Variants in RALGPS2 observed in about 807,000 individuals in gnomAD.
RALGPS2 encodes Ral GEF with PH domain and SH3 binding motif 2.
RALGPS2 carries 43 observed loss-of-function variants against 86.8 expected under a neutral mutation model. The observed-to-expected ratio is 0.50, with a 90% confidence interval of 0.39 to 0.64. RALGPS2 has a LOEUF of 0.64. Among genes scored for constraint, RALGPS2 ranks in the 30% least tolerant of loss-of-function variants. The pLI is 0.00. For missense variants in RALGPS2, 536 were observed against 694.6 expected, an observed-to-expected ratio of 0.77 and a Z score of 2.57; for synonymous variants, 243 against 231.3, an observed-to-expected ratio of 1.05 and a Z score of -0.46.
intron 1 of RALGPS2, among the ~76,000 whole-genome samples, chr1:178,735,431 C>CTTTTTTTTTTT (rs565080292): frequency 1.5e-5 from 2 of 134,446 alleles, no homozygotes; most frequent in Non-Finnish European, 3.2e-5. Context: ...TTTTTCTTTT[C>CTTTTTTTTTTT]TTTTTTTTTT....
chr1:178,729,597 A>G (rs945325005), intron 1 of RALGPS2, among the ~76,000 whole-genome samples: 2 of 152,250 alleles, frequency 1.3e-5, no homozygotes, highest in Non-Finnish European at 2.9e-5. Flanking sequence ...CTGAAATCCA[A>G]AATGCTCCAA....
chr1:178,900,982 G>A (rs1486300918), intron 17 of RALGPS2, among the ~76,000 whole-genome samples: 1 of 152,060 alleles, frequency 6.6e-6, no homozygotes, highest in Non-Finnish European at 1.5e-5. Flanking sequence ...TAGTATTCAT[G>A]TCGAAGTACA....
At chr1:178,894,956 T>C (rs1659875725) in intron 16 of RALGPS2, among the ~76,000 whole-genome samples, 1 of 152,042 alleles carries the variant, frequency 6.6e-6, no homozygotes, top group Non-Finnish European at 1.5e-5. Flanking sequence ...CCCTAAAAAA[T>C]GGAATTTGAT....
chr1:178,815,093 T>C (rs1655165366), intron 6 of RALGPS2, among the ~76,000 whole-genome samples: 2 of 152,098 alleles, frequency 1.3e-5, no homozygotes, highest in South Asian at 2.1e-4. Context: ...TATTTATTTA[T>C]TTATTTTGAT....
At chr1:178,832,375 C>T (rs150496165) in intron 7 of RALGPS2, among the ~76,000 whole-genome samples, 1 of 152,244 alleles carries the variant, frequency 6.6e-6, no homozygotes, top group South Asian at 2.1e-4. Context: ...ACTTATAATA[C>T]TAGAAAGAGT....
intron 7 of RALGPS2, among the ~76,000 whole-genome samples, chr1:178,824,119 G>A (rs1257186373): frequency 4.6e-5 from 7 of 152,180 alleles, no homozygotes; most frequent in African/African-American, 1.7e-4. Context: ...TGAATAAGGT[G>A]CAAAGTTTGA....
At chr1:178,856,193 AG>A in intron 8 of RALGPS2, among the ~76,000 whole-genome samples, 1 of 48,640 alleles carries the variant, frequency 2.1e-5, no homozygotes, top group Non-Finnish European at 4.0e-5. Context: ...ACTTTTCCAG[AG>A]AGAGAGAGAT....
At position 178,916,421 on chromosome 1, in the gene RALGPS2, A is replaced by AGAGC; in HGVS notation, c.*64_*67dup. The stretch of plus-strand genomic sequence containing the variant: ...TACGTGAGCATGAGGACCTGATAAA[A>AGAGC]GAGCGCCAGCTATAAACCATCCTGT... On this transcript the variant is annotated 3_prime_UTR_variant, in exon 20 of 20. Transcript: ENST00000367635. 6.8e-7 allele frequency: 1 copy of AGAGC among 1,480,746 alleles called. No homozygotes were observed. Among genetic ancestry groups the AGAGC allele is most frequent in the Non-Finnish European group, 9.3e-7 (1 of 1,072,972 alleles). The allele number at this position is 1,480,746 out of a possible 1,614,324, so 91.7% of individuals were successfully genotyped here.
chr1:178,916,388 G>A lies in RALGPS2; in HGVS notation c.*29G>A. 6.3e-7 allele frequency: 1 copy of A among 1,585,804 alleles called. No individual in the cohort carries two copies. The highest frequency in any genetic ancestry group is 8.6e-7 in the Non-Finnish European group (1 of 1,156,258). On this transcript the variant is annotated 3_prime_UTR_variant, in exon 20 of 20. Transcript: ENST00000367635. Reference sequence around the variant, plus strand: ...CCTGAGAAAAAAAGAGAGGTGAACTGTTGCTTCTACGTGAGCATGAGGACC... The same window carrying A: ...CCTGAGAAAAAAAGAGAGGTGAACTATTGCTTCTACGTGAGCATGAGGACC...
intron 16 of RALGPS2, among the ~76,000 whole-genome samples, chr1:178,897,193 T>C (rs930294583): frequency 6.6e-6 from 1 of 151,772 alleles, no homozygotes; most frequent in Non-Finnish European, 1.5e-5. Flanking sequence ...AAAATGCTCA[T>C]CATCACTGGC....
intron 4 of RALGPS2, among the ~76,000 whole-genome samples, chr1:178,790,910 C>T (rs531434436): frequency 2.0e-5 from 3 of 152,172 alleles, no homozygotes; most frequent in African/African-American, 7.2e-5. Flanking sequence ...ATATTACCTT[C>T]ACTGGAGGAT....
intron 9 of RALGPS2, 41 bp downstream of exon 9, chr1:178,877,676 G>A (rs767916048): frequency 1.9e-6 from 3 of 1,602,604 alleles, no homozygotes; most frequent in Admixed American, 3.3e-5. Flanking sequence ...TAAGATTGCT[G>A]TAATCCAGTG....
intron 14 of RALGPS2, among the ~76,000 whole-genome samples, chr1:178,891,692 A>G (rs1659716103): frequency 6.6e-6 from 1 of 152,060 alleles, no homozygotes; most frequent in Non-Finnish European, 1.5e-5. Context: ...GTTAATGTAG[A>G]AATAATATAA....
chr1:178,760,071 T>C (rs889767927), intron 1 of RALGPS2, among the ~76,000 whole-genome samples: 1 of 152,204 alleles, frequency 6.6e-6, no homozygotes, highest in African/African-American at 2.4e-5. Flanking sequence ...TGAATGTCTT[T>C]TATTTCTTTT....
intron 8 of RALGPS2, among the ~76,000 whole-genome samples, chr1:178,835,055 G>A (rs2102252776): frequency 6.6e-6 from 1 of 152,346 alleles, no homozygotes; most frequent in Non-Finnish European, 1.5e-5. Flanking sequence ...TGGGATTGTA[G>A]GCATGAGCCA....
intron 6 of RALGPS2, among the ~76,000 whole-genome samples, chr1:178,814,458 G>A (rs1655135374): frequency 1.3e-5 from 2 of 151,954 alleles, no homozygotes. Flanking sequence ...TTTTAGACAG[G>A]ATCTTGTTGT....
In RALGPS2 at chr1:178,735,943, A is replaced by T. The variant is rs191789363; in HGVS notation, c.-84+10524A>T. Reference sequence around the variant, plus strand: ...GTTTCTTTTAGATAGTATAACAGTGATAGAGTTAACATCTTTTTTTATAGC... The same window carrying T: ...GTTTCTTTTAGATAGTATAACAGTGTTAGAGTTAACATCTTTTTTTATAGC... On this transcript the variant is annotated intron_variant, in intron 1 of 19. Transcript: ENST00000367635. 3.3e-4 allele frequency among the ~76,000 whole-genome samples: 50 copies of T among 152,178 alleles called. No individual in the cohort carries two copies. In the Middle Eastern group the frequency reaches 0.01, roughly 31 times the overall value.
intron 7 of RALGPS2, among the ~76,000 whole-genome samples, chr1:178,822,133 G>GT (rs1358663964): frequency 1.3e-5 from 2 of 151,996 alleles, no homozygotes; most frequent in African/African-American, 4.8e-5. Context: ...TAAATCTTAA[G>GT]TTTTTTCCTT....
chr1:178,843,696 AAAC>A (rs1483267263), intron 8 of RALGPS2, among the ~76,000 whole-genome samples: 1 of 152,074 alleles, frequency 6.6e-6, no homozygotes, highest in Non-Finnish European at 1.5e-5. Flanking sequence ...AGGGAAAAAA[AAAC>A]AGAAGGAAAT....
Sources: allele counts gnomAD v4.1 joint callset (sites outside exome capture counted in the v4.1 genomes callset), GRCh38; gene constraint gnomAD v4.1.1; transcripts MANE v1.5; gene names NCBI Gene and HGNC (gene_info 2026-07-23, HGNC 2026-07-21).